LRBA: variants seen among roughly 807,000 people sequenced by gnomAD.
LRBA encodes the protein LPS responsive beige-like anchor protein, also known as lipopolysaccharide-responsive and beige-like anchor protein.
Under a neutral mutation model 330.0 loss-of-function variants are expected in LRBA, and 176 were observed. The observed-to-expected ratio is 0.53, with a 90% CI of 0.47 to 0.60. The LOEUF is 0.60. Among genes scored for constraint, LRBA ranks in the 20% least tolerant of loss-of-function variants. The pLI, the probability that LRBA is intolerant of heterozygous loss-of-function variation, is 0.00. For synonymous variants in LRBA, 1,230 were observed against 1,193.0 expected (o/e 1.03, Z -0.64); for missense variants, 3,259 against 3,444.8 (o/e 0.95, Z 1.35).
At chr4:150,276,037 A>G (rs1319139536) in intron 56 of LRBA, among the ~76,000 whole-genome samples, 1 of 152,252 alleles carries the variant, frequency 6.6e-6, no homozygotes, top group Admixed American at 6.5e-5. Context: ...AAACTATACT[A>G]CAAGGCTACA....
At chr4:150,626,981 G>A (rs978810165) in intron 37 of LRBA, among the ~76,000 whole-genome samples, 2 of 151,944 alleles carry the variant, frequency 1.3e-5, no homozygotes, top group African/African-American at 2.4e-5. Context: ...TTATGTTAAT[G>A]TAAAATAATC....
chr4:150,845,615 T>C (rs900367759), intron 26 of LRBA, among the ~76,000 whole-genome samples: 1 of 152,004 alleles, frequency 6.6e-6, no homozygotes, highest in Admixed American at 6.6e-5. Flanking sequence ...AATAGCAAAC[T>C]TAAGGGGGGA....
intron 46 of LRBA, among the ~76,000 whole-genome samples, chr4:150,427,137 C>T (rs573625940): frequency 7.2e-5 from 11 of 151,950 alleles, no homozygotes; most frequent in African/African-American, 9.6e-5. Flanking sequence ...TATCTAAGAA[C>T]GCATTAATGA....
chr4:150,828,475 C>A lies in LRBA; in HGVS notation c.4876G>T (p.Ala1626Ser), dbSNP rs755507503. ...GGGCCTGCACTGACACCAGGAGGTGCTGTGTGAGGAGTTACTTCCACATGG... is the reference window on the plus strand; with the variant it reads ...GGGCCTGCACTGACACCAGGAGGTGATGTGTGAGGAGTTACTTCCACATGG... ...GSHVEVTPHT[A>S]PPGVSAGPDA... is the part of the protein sequence containing the mutation. The change falls in exon 30 of 57, where the codon GCA (alanine) becomes TCA (serine). Residue 1626 changes from alanine (A) to serine (S), a missense_variant. Physicochemically the swap from Ala to Ser is moderately conservative, Grantham distance 99. Transcript: ENST00000651943. 4.7e-5 allele frequency: 76 copies of A among 1,613,978 alleles called. No individual in the cohort carries two copies. Among genetic ancestry groups the A allele is most frequent in the Non-Finnish European group, 5.3e-5 (63 of 1,180,004 alleles).
At chr4:150,513,886 C>G (rs1762078984) in intron 40 of LRBA, among the ~76,000 whole-genome samples, 1 of 152,136 alleles carries the variant, frequency 6.6e-6, no homozygotes, top group Non-Finnish European at 1.5e-5. Context: ...ATAGCATCTC[C>G]AACAAGTCAC....
At chr4:150,656,255 T>C (rs1227310494) in intron 37 of LRBA, among the ~76,000 whole-genome samples, 2 of 152,244 alleles carry the variant, frequency 1.3e-5, no homozygotes, top group East Asian at 3.8e-4. Flanking sequence ...CTAATTTTCA[T>C]ATCAAGAGCA....
chr4:150,567,342 GA>G (rs967697143), intron 40 of LRBA, among the ~76,000 whole-genome samples: 1 of 151,952 alleles, frequency 6.6e-6, no homozygotes, highest in Non-Finnish European at 1.5e-5. Flanking sequence ...AGCTTCTTGT[GA>G]AAACAAGAAA....
intron 37 of LRBA, among the ~76,000 whole-genome samples, chr4:150,628,165 C>T (rs1777029146): frequency 6.6e-6 from 1 of 152,096 alleles, no homozygotes; most frequent in Non-Finnish European, 1.5e-5. Flanking sequence ...TTTATCATTT[C>T]CCAACAGAGA....
At chr4:150,503,310 G>C (rs1309151716) in intron 40 of LRBA, among the ~76,000 whole-genome samples, 3 of 152,136 alleles carry the variant, frequency 2.0e-5, no homozygotes, top group Non-Finnish European at 4.4e-5. Flanking sequence ...CCCCAGTAGG[G>C]GCGGACTGAC....
chr4:150,565,211 T>C (rs1768971104), intron 40 of LRBA, among the ~76,000 whole-genome samples: 1 of 152,142 alleles, frequency 6.6e-6, no homozygotes, highest in Non-Finnish European at 1.5e-5. Flanking sequence ...TGCCAGGACA[T>C]GGATGAAACT....
chr4:150,550,570 G>A (rs1766456603), intron 40 of LRBA, among the ~76,000 whole-genome samples: 1 of 152,084 alleles, frequency 6.6e-6, no homozygotes, highest in Non-Finnish European at 1.5e-5. Flanking sequence ...TCAGTCACTG[G>A]TATGTAAATG....
At chr4:150,512,714 T>C (rs926167194) in intron 40 of LRBA, among the ~76,000 whole-genome samples, 14 of 120,798 alleles carry the variant, frequency 1.2e-4, no homozygotes, top group African/African-American at 3.8e-4. Context: ...CAGTGCTTTT[T>C]GAGAAAAAAA....
chr4:151,003,042 T>TTGTGTGTGTGTG (rs1480413708), intron 2 of LRBA, among the ~76,000 whole-genome samples: 3 of 72,114 alleles, frequency 4.2e-5, no homozygotes, highest in African/African-American at 1.1e-4. Context: ...GTGTATGTGT[T>TTGTGTGTGTGTG]TGCGTGTGTG....
intron 40 of LRBA, among the ~76,000 whole-genome samples, chr4:150,516,008 T>C (rs1762295842): frequency 6.6e-6 from 1 of 151,950 alleles, no homozygotes; most frequent in Non-Finnish European, 1.5e-5. Context: ...GTTTTATAAA[T>C]TATAATTAAA....
At chr4:150,663,731 T>C (rs890572378) in intron 37 of LRBA, among the ~76,000 whole-genome samples, 3 of 152,144 alleles carry the variant, frequency 2.0e-5, no homozygotes, top group Non-Finnish European at 2.9e-5. Flanking sequence ...AAGTACTTTA[T>C]AGTATACTGG....
chr4:150,269,101 A>C (rs997992856), intron 56 of LRBA, among the ~76,000 whole-genome samples: 2 of 152,368 alleles, frequency 1.3e-5, no homozygotes, highest in Middle Eastern at 3.4e-3. Context: ...TGAGCAGTCC[A>C]AAAGGAAAAT....
At position 150,471,716 on chromosome 4, in the gene LRBA, C is replaced by T. The variant is rs372513836; in HGVS notation, c.6575G>A (p.Arg2192His). The T allele has an allele frequency of 2.1e-5, 34 of 1,588,850 alleles. No individual in the cohort carries two copies. Among genetic ancestry groups the T allele is most frequent in the South Asian group, 3.4e-5 (3 of 88,888 alleles). The change falls in exon 43 of 57, where the codon CGT becomes CAT. Residue 2192 changes from arginine to histidine, a missense_variant. By Grantham distance (29) the Arg-to-His change is conservative. Coordinates refer to ENST00000651943, the MANE Select transcript of LRBA (RefSeq NM_001364905.1). ...QTRRISLASP[R>H]QLFKASNMTQ... ...CATATTAGAAGCCTTAAAAAGCTGA[C>T]GTGGACTAGCTAATGAAATACGTCT... is the stretch of plus-strand genomic sequence containing the variant.
intron 56 of LRBA, among the ~76,000 whole-genome samples, chr4:150,276,394 C>G (rs546647562): frequency 6.6e-6 from 1 of 152,290 alleles, no homozygotes; most frequent in South Asian, 2.1e-4. Context: ...ATGACTAAAA[C>G]ACCAAAAGCA....
At chr4:150,759,175 G>A (rs28521457) in intron 35 of LRBA, among the ~76,000 whole-genome samples, 13,616 of 152,050 alleles carry the variant, frequency 0.09, 1,069 homozygotes, top group African/African-American at 0.2. Context: ...CTCAGCCTCC[G>A]AAAGTGCTGG....
Sources: gnomAD v4.1 joint callset for allele counts (sites outside exome capture counted in the v4.1 genomes callset) on GRCh38, gnomAD v4.1.1 for gene constraint, MANE v1.5 for transcripts, NCBI Gene and HGNC (gene_info 2026-07-23, HGNC 2026-07-21) for gene names.